Variants in GRIK1 observed in about 807,000 individuals in gnomAD.
The protein encoded by GRIK1 is glutamate ionotropic receptor kainate type subunit 1.
A neutral mutation model predicts 105.7 loss-of-function variants in GRIK1; 69 were observed. That is an observed-to-expected ratio of 0.65 (90% confidence interval 0.54 to 0.80). GRIK1 has a LOEUF of 0.80. GRIK1 is among the 30% of genes least tolerant of loss of function. GRIK1 has a pLI of 0.00. For synonymous variants in GRIK1, 438 were observed against 431.3 expected, an observed-to-expected ratio of 1.02 and a Z score of -0.19; for missense variants, 1,109 against 1,167.3, an observed-to-expected ratio of 0.95 and a Z score of 0.73.
At chr21:29,888,525 C>G (rs929628840) in intron 1 of GRIK1, among the ~76,000 whole-genome samples, 15 of 151,848 alleles carry the variant, frequency 9.9e-5, no homozygotes, top group Admixed American at 2.0e-4. Context: ...CTCAGCCTCC[C>G]AAACTGTTGG....
chr21:29,890,803 G>A (rs1258262814), intron 1 of GRIK1, among the ~76,000 whole-genome samples: 1 of 152,032 alleles, frequency 6.6e-6, no homozygotes, highest in African/African-American at 2.4e-5. Context: ...AAACACATAA[G>A]ACTGTAAAAA....
At chr21:29,571,644 G>A (rs761780849) in intron 14 of GRIK1, among the ~76,000 whole-genome samples, 2 of 152,134 alleles carry the variant, frequency 1.3e-5, no homozygotes, top group African/African-American at 2.4e-5. Flanking sequence ...GTGGCCTAGC[G>A]ACCAAATGTG....
chr21:29,752,156 T>A (rs2065221674), intron 1 of GRIK1, among the ~76,000 whole-genome samples: 1 of 152,218 alleles, frequency 6.6e-6, no homozygotes, highest in Admixed American at 6.5e-5. Context: ...TCTTATATAC[T>A]TTTGATCTCC....
At chr21:29,894,042 G>A (rs1294935567) in intron 1 of GRIK1, among the ~76,000 whole-genome samples, 2 of 152,110 alleles carry the variant, frequency 1.3e-5, no homozygotes, top group Non-Finnish European at 2.9e-5. Flanking sequence ...TTGTACCGCT[G>A]GTTGTAGGTT....
At chr21:29,878,460 G>T (rs552299758) in intron 1 of GRIK1, among the ~76,000 whole-genome samples, 9 of 152,196 alleles carry the variant, frequency 5.9e-5, no homozygotes, top group African/African-American at 2.2e-4. Flanking sequence ...TCTGGAATGG[G>T]GATGAAAGGA....
rs773127520 is a variant in GRIK1 at position 29,581,504 on chromosome 21, G to C, written c.1833C>G (p.Asn611Lys). 1 of 1,612,408 alleles carries C rather than the reference G, an allele frequency of 6.2e-7. No individual in the cohort carries two copies. Among genetic ancestry groups the C allele is most frequent in the South Asian group, 1.1e-5 (1 of 91,032 alleles). ...PYEWYNPHPCNPDSDVVENNF... is the reference protein window; with the variant it reads ...PYEWYNPHPCKPDSDVVENNF... ...TGTTTTCCACCACGTCTGAGTCAGG[G>C]TTGCATGGGTGGGGGTTATACCACT... Residue 611 changes from asparagine to lysine, a missense_variant, in exon 13 of 18, where the codon AAC (asparagine) becomes AAG (lysine). Transcript: ENST00000327783.
rs1018324767 is a variant in GRIK1, at chr21:29,614,233, C to T, written c.1099-15296G>A. 7.9e-5 allele frequency among the ~76,000 whole-genome samples: 12 copies of T among 152,214 alleles called. No homozygotes were observed. In the East Asian group the frequency reaches 2.1e-3, roughly 27 times the overall value. On this transcript the variant is annotated intron_variant, in intron 7 of 17. Coordinates refer to ENST00000327783, the MANE Select transcript of GRIK1 (RefSeq NM_001330994.2). The stretch of plus-strand genomic sequence containing the variant: ...CAGGGCTGTACCCATGGCCCAGGAC[C>T]TCCTGCATCCCGTCAGTCCTGGAGG...
intron 4 of GRIK1, among the ~76,000 whole-genome samples, chr21:29,670,081 G>A (rs530817068): frequency 7.1e-4 from 108 of 152,194 alleles, no homozygotes; most frequent in African/African-American, 2.4e-3. Context: ...TCCAAAAAGC[G>A]CAATTGCCCT....
At chr21:29,920,067 A>C (rs2071140523) in intron 1 of GRIK1, among the ~76,000 whole-genome samples, 1 of 152,146 alleles carries the variant, frequency 6.6e-6, no homozygotes, top group Non-Finnish European at 1.5e-5. Flanking sequence ...GATTTAGGCA[A>C]AGAGAAATAT....
At chr21:29,729,606 A>T (rs73354545) in intron 1 of GRIK1, among the ~76,000 whole-genome samples, 3,079 of 152,264 alleles carry the variant, frequency 0.02, 108 homozygotes, top group African/African-American at 0.071. Flanking sequence ...CAGAATAAAT[A>T]AATTATATAG....
Position 29,561,635 on chromosome 21 carries a change from C to G in GRIK1, c.2345G>C (p.Gly782Ala), listed in dbSNP as rs2090481952. ...TCTACCCGTCTTACCAATAGGTGTT[C>G]CCACTCCGTAACCTTTGGAGTCAAT... ...GLIDSKGYGV[G>A]TPIGSPYRDK... Residue 782 changes from glycine (G) to alanine (A), a missense_variant, in exon 15 of 18, where the codon GGA becomes GCA. Gly to Ala is a moderately conservative substitution (Grantham distance 60). Around this residue, in one of 5 missense-constraint regions of GRIK1, gnomAD observed 264 missense variants for 306.9 expected, o/e 0.86. Coordinates refer to ENST00000327783, the MANE Select transcript of GRIK1 (RefSeq NM_001330994.2). 1.2e-6 allele frequency: 2 copies of G among 1,605,388 alleles called. No individual in the cohort carries two copies. The highest frequency in any genetic ancestry group is 1.7e-6 in the Non-Finnish European group (2 of 1,172,074).
intron 1 of GRIK1, among the ~76,000 whole-genome samples, chr21:29,757,221 T>A (rs954371609): frequency 1.3e-5 from 2 of 152,212 alleles, no homozygotes; most frequent in African/African-American, 4.8e-5. Context: ...ATATCACATT[T>A]AAAAGGGGTT....
At chr21:29,553,783 T>C (rs117126151) in intron 16 of GRIK1, 3 of 981,386 alleles carry the variant, frequency 3.1e-6, no homozygotes, top group Non-Finnish European at 4.6e-6. Context: ...AAATGAAAAT[T>C]TACATCACAT....
At chr21:29,560,749 A>G (rs1014324443) in intron 15 of GRIK1, among the ~76,000 whole-genome samples, 4 of 151,116 alleles carry the variant, frequency 2.6e-5, no homozygotes, top group African/African-American at 9.7e-5. Context: ...CTATAGGCAC[A>G]TGGCACCACA....
At chr21:29,709,617 T>G (rs2063998090) in intron 1 of GRIK1, among the ~76,000 whole-genome samples, 1 of 152,136 alleles carries the variant, frequency 6.6e-6, no homozygotes, top group Non-Finnish European at 1.5e-5. Flanking sequence ...CATCTTCATA[T>G]CTAAGAACAT....
chr21:29,777,410 A>G (rs770345462), intron 1 of GRIK1, among the ~76,000 whole-genome samples: 1 of 152,224 alleles, frequency 6.6e-6, no homozygotes, highest in Non-Finnish European at 1.5e-5. Context: ...AACTACTGCT[A>G]TGTGAAAACC....
chr21:29,794,322 T>C (rs1030391317), intron 1 of GRIK1, among the ~76,000 whole-genome samples: 15 of 152,206 alleles, frequency 9.9e-5, no homozygotes, highest in African/African-American at 3.6e-4. Flanking sequence ...TATTTTTAAA[T>C]ATCGATTTTA....
chr21:29,630,493 A>G (rs1214791866), intron 7 of GRIK1: 3 of 471,344 alleles, frequency 6.4e-6, no homozygotes, highest in Non-Finnish European at 1.3e-5. Flanking sequence ...GTTCTTTAAT[A>G]AAAAGGGATT....
rs374563593 is a variant in GRIK1 at position 29,672,204 on chromosome 21, T to C, written c.726+779A>G. ...TCTTGAGTAGCTGGTATTACAGGCA[T>C]GCACCACCATGCCCGGCTAATTTCA... is the stretch of plus-strand genomic sequence containing the variant. On this transcript the variant is annotated intron_variant, in intron 4 of 17. Coordinates refer to ENST00000327783, the MANE Select transcript of GRIK1 (RefSeq NM_001330994.2). Among the ~76,000 whole-genome samples, 2 of 151,910 alleles carry C rather than the reference T, an allele frequency of 1.3e-5. 1 individual carries two copies. The highest frequency in any genetic ancestry group is 4.8e-5 in the African/African-American group (2 of 41,468).
Sources: allele counts gnomAD v4.1 joint callset (sites outside exome capture counted in the v4.1 genomes callset), GRCh38; gene constraint gnomAD v4.1.1; regional missense constraint gnomAD v4.1.1; transcripts MANE v1.5; gene names NCBI Gene and HGNC (gene_info 2026-07-23, HGNC 2026-07-21).